The following PHB1 variants were observed in gnomAD, a reference collection of about 807,000 sequenced individuals.
PHB1 encodes epididymis luminal protein 215.
At chr17:49,410,673 A>G in the PHB1 span, among the ~76,000 whole-genome samples, 1 of 152,200 alleles carries the variant, frequency 6.6e-6, no homozygotes, top group South Asian at 2.1e-4. Flanking sequence ...GTGTTAGACT[A>G]TCAGTCCAAA....
chr17:49,411,567 A>T, the PHB1 span: 1 of 897,606 alleles, frequency 1.1e-6, no homozygotes, highest in Non-Finnish European at 1.8e-6. Context: ...CCTATGATGT[A>T]CAGTTCAAAC....
chr17:49,411,762 A>G, the PHB1 span: 6 of 1,613,972 alleles, frequency 3.7e-6, no homozygotes, highest in Non-Finnish European at 8.5e-7. Flanking sequence ...GGGATGAGAA[A>G]ATGAGTCCCT....
At chr17:49,409,115 A>C in the PHB1 span, 2 of 1,613,910 alleles carry the variant, frequency 1.2e-6, no homozygotes, top group Non-Finnish European at 1.7e-6. Context: ...CTGCCTGGAG[A>C]CCAGCTCTCT....
chr17:49,409,767 C>G, the PHB1 span, among the ~76,000 whole-genome samples: 3 of 152,026 alleles, frequency 2.0e-5, no homozygotes, highest in African/African-American at 7.2e-5. Context: ...AACTCCTGAC[C>G]TCAGGTGATC....
At chr17:49,406,884 G>C in the PHB1 span, 1 of 1,506,828 alleles carries the variant, frequency 6.6e-7, no homozygotes. Context: ...ACAAGATGAG[G>C]CAGTGTGATT....
At chr17:49,413,518 T>C in the PHB1 span, among the ~76,000 whole-genome samples, 1 of 151,116 alleles carries the variant, frequency 6.6e-6, no homozygotes, top group African/African-American at 2.4e-5. Context: ...TTTCCTTTTT[T>C]TTTTTTTGGA....
At chr17:49,411,737 G>A in the PHB1 span, 1 of 1,614,060 alleles carries the variant, frequency 6.2e-7, no homozygotes, top group Non-Finnish European at 8.5e-7. Flanking sequence ...AAAGATAATT[G>A]GTTTCTGTAC....
chr17:49,407,540 A>C, the PHB1 span: 1 of 152,406 alleles, frequency 6.6e-6, no homozygotes, highest in Non-Finnish European at 1.5e-5. Flanking sequence ...TAATCATGTC[A>C]GGTCTGACGG....
At chr17:49,407,665 A>G in the PHB1 span, among the ~76,000 whole-genome samples, 2 of 152,318 alleles carry the variant, frequency 1.3e-5, no homozygotes, top group South Asian at 4.1e-4. Flanking sequence ...TCAAGAGAAG[A>G]GCATTGGTTT....
the PHB1 span, chr17:49,404,811 A>G: frequency 1.7e-6 from 1 of 603,664 alleles, no homozygotes; most frequent in Non-Finnish European, 2.9e-6. Flanking sequence ...GAGAAGAATG[A>G]AAGAGTTTCA....
the PHB1 span, among the ~76,000 whole-genome samples, chr17:49,414,059 C>T: frequency 3.9e-5 from 6 of 152,260 alleles, no homozygotes; most frequent in African/African-American, 1.4e-4. Context: ...TAACAGCTAA[C>T]ACTTATATCA....
At chr17:49,406,858 AG>A in the PHB1 span, 10 of 1,605,874 alleles carry the variant, frequency 6.2e-6, no homozygotes, top group Admixed American at 1.7e-4. Context: ...GATGTGTCTA[AG>A]GGGAGAGAGT....
At chr17:49,408,064 T>C in the PHB1 span, among the ~76,000 whole-genome samples, 1 of 152,212 alleles carries the variant, frequency 6.6e-6, no homozygotes, top group Non-Finnish European at 1.5e-5. Context: ...ATGCCAACTT[T>C]TCCCTTAGGT....
chr17:49,405,244 G>GCA, the PHB1 span: 1 of 1,551,858 alleles, frequency 6.4e-7, no homozygotes, highest in Non-Finnish European at 8.9e-7. Flanking sequence ...AAACCTCAGG[G>GCA]CACCGCATGT....
the PHB1 span, chr17:49,411,970 A>G: frequency 3.6e-5 from 28 of 777,284 alleles, no homozygotes; most frequent in South Asian, 5.1e-4. Context: ...GTCTTCCCCA[A>G]CTCCTGGTCT....
the PHB1 span, chr17:49,409,023 G>A: frequency 1.0e-5 from 15 of 1,497,430 alleles, no homozygotes; most frequent in Middle Eastern, 2.3e-4. Context: ...CCCCTCCTCG[G>A]TCTCCCGAAG....
chr17:49,410,686 T>G, the PHB1 span, among the ~76,000 whole-genome samples: 4 of 152,304 alleles, frequency 2.6e-5, no homozygotes, highest in East Asian at 7.7e-4. Context: ...AGTCCAAAGA[T>G]CTGGGCTATT....
At chr17:49,411,890 C>A in the PHB1 span, 1 of 1,533,228 alleles carries the variant, frequency 6.5e-7, no homozygotes, top group Non-Finnish European at 9.0e-7. Flanking sequence ...ATCCTTTAAA[C>A]AAAAGGATCA....
chr17:49,409,430 A>G, the PHB1 span: 4 of 1,610,914 alleles, frequency 2.5e-6, no homozygotes, highest in East Asian at 6.7e-5. Flanking sequence ...GGCTGGCGAC[A>G]GGCCGGAAGA....
Sources: allele counts gnomAD v4.1 joint callset (sites outside exome capture counted in the v4.1 genomes callset), GRCh38; gene constraint gnomAD v4.1.1; transcripts MANE v1.5; gene names NCBI Gene and HGNC (gene_info 2026-07-23, HGNC 2026-07-21).